Variants in C12orf42 observed in about 807,000 individuals in gnomAD.
C12orf42 encodes the protein uncharacterized protein C12orf42.
A neutral mutation model predicts 21.6 loss-of-function variants in C12orf42; 25 were observed. The ratio of observed to expected loss-of-function variants is 1.16; its 90% CI spans 0.84 to 1.62. C12orf42 has a LOEUF of 1.62. Ranked by LOEUF, C12orf42 falls within the 40% of genes most tolerant of loss-of-function variation. The pLI, the probability that C12orf42 is intolerant of heterozygous loss-of-function variation, is 0.00. For missense variants in C12orf42, 483 were observed against 459.3 expected, an observed-to-expected ratio of 1.05 and a Z score of -0.47; for synonymous variants, 174 against 175.0, an observed-to-expected ratio of 0.99 and a Z score of 0.05.
At chr12:103,137,506 A>G in the C12orf42 span, among the ~76,000 whole-genome samples, 10 of 152,338 alleles carry the variant, frequency 6.6e-5, no homozygotes, top group African/African-American at 2.4e-4. Context: ...CTTCAGTCTC[A>G]CTACTGGACA....
intron 4 of C12orf42, among the ~76,000 whole-genome samples, chr12:103,335,653 A>C (rs1238438534): frequency 6.6e-6 from 1 of 152,200 alleles, no homozygotes; most frequent in African/African-American, 2.4e-5. Context: ...CAGGCAATTG[A>C]AATGTTCCCT....
At chr12:103,486,133 T>G (rs1954813621) in intron 1 of C12orf42, among the ~76,000 whole-genome samples, 1 of 152,236 alleles carries the variant, frequency 6.6e-6, no homozygotes, top group Non-Finnish European at 1.5e-5. Flanking sequence ...TCTTATTATT[T>G]TGAGGTATGT....
chr12:103,305,938 A>G, intron 5 of C12orf42, 36 bp downstream of exon 5: 2 of 1,562,808 alleles, frequency 1.3e-6, no homozygotes, highest in South Asian at 2.4e-5. Flanking sequence ...GACCAGTTGA[A>G]ACAAGAAGAG....
chr12:103,135,912 A>T, the C12orf42 span, among the ~76,000 whole-genome samples: 1 of 152,232 alleles, frequency 6.6e-6, no homozygotes, highest in Non-Finnish European at 1.5e-5. Flanking sequence ...ATACTTTAGC[A>T]TAATAAGGGC....
chr12:103,398,595 CA>C (rs1251496920), intron 3 of C12orf42, among the ~76,000 whole-genome samples: 23 of 152,020 alleles, frequency 1.5e-4, no homozygotes, highest in Non-Finnish European at 1.5e-5. Flanking sequence ...CCCCTCAGAT[CA>C]TAAAATATAT....
the C12orf42 span, among the ~76,000 whole-genome samples, chr12:103,189,978 T>C: frequency 6.6e-6 from 1 of 151,794 alleles, no homozygotes; most frequent in Non-Finnish European, 1.5e-5. Flanking sequence ...TGTGTATATA[T>C]ATATATACAC....
chr12:103,238,513 C>T (rs963084483), intron 10 of C12orf42, among the ~76,000 whole-genome samples: 1 of 152,166 alleles, frequency 6.6e-6, no homozygotes, highest in African/African-American at 2.4e-5. Flanking sequence ...CACCACTGGA[C>T]CAGAGAGCAG....
the C12orf42 span, among the ~76,000 whole-genome samples, chr12:103,094,966 A>G: frequency 1.3e-5 from 2 of 152,238 alleles, no homozygotes; most frequent in African/African-American, 4.8e-5. Context: ...ATCAATTAAA[A>G]CAATTTAAAG....
At chr12:103,535,823 G>C in the C12orf42 span, among the ~76,000 whole-genome samples, 13 of 152,234 alleles carry the variant, frequency 8.5e-5, no homozygotes, top group East Asian at 2.3e-3. Flanking sequence ...TGCTACCCAG[G>C]CTGGAGTGCA....
chr12:103,457,070 TC>T (rs1260592973), intron 2 of C12orf42, among the ~76,000 whole-genome samples: 22 of 152,298 alleles, frequency 1.4e-4, no homozygotes, highest in Admixed American at 1.4e-3. Flanking sequence ...ATGTTTCCTC[TC>T]CCTTTTGTGA....
At chr12:103,450,535 G>A (rs1026261557) in intron 2 of C12orf42, among the ~76,000 whole-genome samples, 4 of 152,108 alleles carry the variant, frequency 2.6e-5, no homozygotes, top group African/African-American at 9.7e-5. Context: ...TGAAGGGGCA[G>A]TGCATCAGTT....
chr12:103,221,550 A>G, the C12orf42 span, among the ~76,000 whole-genome samples: 1 of 152,202 alleles, frequency 6.6e-6, no homozygotes, highest in African/African-American at 2.4e-5. Flanking sequence ...CTGAAAGACA[A>G]AGACTATGTC....
At chr12:103,527,001 T>C in the C12orf42 span, among the ~76,000 whole-genome samples, 1 of 152,280 alleles carries the variant, frequency 6.6e-6, no homozygotes, top group South Asian at 2.1e-4. Flanking sequence ...GTGGTTCCCA[T>C]TCAACAGCAG....
the C12orf42 span, among the ~76,000 whole-genome samples, chr12:103,079,324 T>C: frequency 6.6e-6 from 1 of 152,066 alleles, no homozygotes; most frequent in African/African-American, 2.4e-5. Flanking sequence ...CTGAGTTCAA[T>C]AGTATAGGAG....
At chr12:103,504,411 G>A in the C12orf42 span, 4 of 163,358 alleles carry the variant, frequency 2.4e-5, no homozygotes, top group Admixed American at 1.9e-4. Context: ...CCTCTGCCAT[G>A]GGCATGATCA....
chr12:103,389,367 G>A (rs1414812569), intron 3 of C12orf42, among the ~76,000 whole-genome samples: 2 of 152,180 alleles, frequency 1.3e-5, no homozygotes, highest in Non-Finnish European at 2.9e-5. Context: ...GTTCCCCATC[G>A]TGACATGTAT....
chr12:103,378,318 T>A (rs191526516), intron 3 of C12orf42, among the ~76,000 whole-genome samples: 2 of 152,330 alleles, frequency 1.3e-5, no homozygotes, highest in East Asian at 3.9e-4. Flanking sequence ...GATGATTTTT[T>A]TTGTCCTGTG....
chr12:103,544,809 C>A, the C12orf42 span, among the ~76,000 whole-genome samples: 2,359 of 151,884 alleles, frequency 0.016, 27 homozygotes, highest in Middle Eastern at 0.037. Flanking sequence ...TTTTTTTTCC[C>A]GCTTTATCTA....
chr12:103,277,201 T>C (rs1244709350), exon 5 of C12orf42: 2 of 450,892 alleles, frequency 4.4e-6, no homozygotes, highest in African/African-American at 4.0e-5. Context: ...GGCCTGTCCA[T>C]GGTGACTTCC....
Sources: allele counts gnomAD v4.1 joint callset (sites outside exome capture counted in the v4.1 genomes callset), GRCh38; gene constraint gnomAD v4.1.1; transcripts MANE v1.5; gene names NCBI Gene and HGNC (gene_info 2026-07-23, HGNC 2026-07-21).